Variants in MEF2C observed in about 807,000 individuals in gnomAD.
The protein encoded by MEF2C is myocyte-specific enhancer factor 2C.
Under a neutral mutation model 50.5 loss-of-function variants are expected in MEF2C, and 6 were observed. The observed-to-expected ratio is 0.12, with a 90% CI of 0.07 to 0.23. The LOEUF (loss-of-function observed/expected upper bound fraction) is 0.23. Ranked by LOEUF, MEF2C falls within the 10% of genes least tolerant of loss-of-function variation. MEF2C has a pLI of 1.00. For synonymous variants in MEF2C, 183 were observed against 228.0 expected (o/e 0.80, Z 1.78); for missense variants, 276 against 605.0 (o/e 0.46, Z 5.70).
chr5:88,901,472 T>G (rs1393914396), intron 1 of MEF2C, among the ~76,000 whole-genome samples: 1 of 145,676 alleles, frequency 6.9e-6, no homozygotes, highest in Non-Finnish European at 1.5e-5. Flanking sequence ...ACTGGGAGAA[T>G]CAAGATTTTC....
At chr5:88,815,527 G>C (rs16903363) in intron 2 of MEF2C, among the ~76,000 whole-genome samples, 5,088 of 151,854 alleles carry the variant, frequency 0.034, 261 homozygotes, top group African/African-American at 0.12. Flanking sequence ...CTTATTAATG[G>C]TCCAACATAT....
At chr5:88,844,443 A>T (rs1039132619) in intron 1 of MEF2C, among the ~76,000 whole-genome samples, 1 of 152,230 alleles carries the variant, frequency 6.6e-6, no homozygotes, top group Non-Finnish European at 1.5e-5. Flanking sequence ...AGTGACATAC[A>T]TATATCAAAT....
chr5:88,803,606 T>C (rs1284217379), intron 3 of MEF2C, among the ~76,000 whole-genome samples: 3 of 152,150 alleles, frequency 2.0e-5, no homozygotes, highest in East Asian at 3.8e-4. Flanking sequence ...AGTAGACAAA[T>C]AGATTAAGAA....
At chr5:88,857,184 A>T (rs2153410614) in intron 1 of MEF2C, among the ~76,000 whole-genome samples, 2 of 152,324 alleles carry the variant, frequency 1.3e-5, no homozygotes, top group South Asian at 4.1e-4. Flanking sequence ...GGAAATTTAA[A>T]GCTTAATGAC....
chr5:88,842,369 A>T (rs545391981), intron 1 of MEF2C, among the ~76,000 whole-genome samples: 16 of 152,262 alleles, frequency 1.1e-4, no homozygotes, highest in Admixed American at 2.6e-4. Context: ...TAGTAAAACA[A>T]GAAAGCTAAC....
chr5:88,825,617 G>T, intron 1 of MEF2C: 1 of 984,556 alleles, frequency 1.0e-6, no homozygotes. Context: ...AAGCATAATT[G>T]CATCATATAT....
chr5:88,809,367 T>C (rs1250900628), intron 2 of MEF2C, among the ~76,000 whole-genome samples: 2 of 152,210 alleles, frequency 1.3e-5, no homozygotes, highest in East Asian at 1.9e-4. Context: ...CCAAGTTTTA[T>C]GGAGCATTTT....
At chr5:88,803,715 G>A (rs541482133) in intron 3 of MEF2C, among the ~76,000 whole-genome samples, 4 of 152,094 alleles carry the variant, frequency 2.6e-5, no homozygotes, top group South Asian at 4.2e-4. Context: ...AAATAGGATC[G>A]ATGCTGAAAA....
chr5:88,730,222 C>T lies in MEF2C; in HGVS notation c.823G>A (p.Asp275Asn). 1 of 1,582,506 alleles carries T rather than the reference C, an allele frequency of 6.3e-7. No homozygotes were observed. Among genetic ancestry groups the T allele is most frequent in the Non-Finnish European group, 8.6e-7 (1 of 1,163,114 alleles). The change falls in exon 8 of 11, where the codon GAC (aspartate) becomes AAC (asparagine). Residue 275 changes from aspartate to asparagine, a missense_variant. Around this residue, in one of 2 missense-constraint regions of MEF2C, gnomAD observed 256 missense variants for 468.1 expected, o/e 0.55. Transcript: ENST00000504921. The part of the protein sequence containing the change: ...NTMPSVSEDV[D>N]LLLNQRINNS... ...CTCTCACCACTTACCAAAAGCAGGT[C>T]GACATCCTCAGACTGAGAGCATGCG...
intron 2 of MEF2C, among the ~76,000 whole-genome samples, chr5:88,813,397 T>C (rs1287864818): frequency 6.6e-6 from 1 of 152,052 alleles, no homozygotes; most frequent in Non-Finnish European, 1.5e-5. Context: ...GTTTGACTAC[T>C]GTGAAATGGA....
chr5:88,834,235 A>G (rs1581365363), intron 1 of MEF2C, among the ~76,000 whole-genome samples: 1 of 152,158 alleles, frequency 6.6e-6, no homozygotes, highest in African/African-American at 2.4e-5. Context: ...AGTCCACGCT[A>G]CCTGCCACAG....
intron 7 of MEF2C, among the ~76,000 whole-genome samples, chr5:88,730,950 C>CTGAT (rs1761226485): frequency 6.6e-6 from 1 of 152,180 alleles, no homozygotes; most frequent in Non-Finnish European, 1.5e-5. Flanking sequence ...TTGTAGAACA[C>CTGAT]TGATGTAAGT....
chr5:88,880,472 C>A (rs1832481435), intron 1 of MEF2C, among the ~76,000 whole-genome samples: 1 of 152,088 alleles, frequency 6.6e-6, no homozygotes, highest in African/African-American at 2.4e-5. Flanking sequence ...AATTATACCA[C>A]ACTTTAGAGT....
chr5:88,785,279 TACACACACACACACACACACACACAC>T (rs57929414), intron 3 of MEF2C: 1 of 143,838 alleles, frequency 7.0e-6, no homozygotes, highest in Admixed American at 7.0e-5. Context: ...AAAACTGGCA[TACACACACACACACACACACACACAC>T]ACACACACAC....
rs73177746 is a variant in MEF2C at position 88,756,188 on chromosome 5, G to T, written c.403-4145C>A. On this transcript the variant is annotated intron_variant, in intron 4 of 10. Coordinates refer to ENST00000504921, the MANE Select transcript of MEF2C (RefSeq NM_002397.5). ...AAATTTAATTTTATTTTAGATACAT[G>T]TGCATGTTTGTTACATGGATATATT... is the stretch of plus-strand genomic sequence containing the variant. Among the ~76,000 whole-genome samples, 940 of 152,156 alleles carry T rather than the reference G, an allele frequency of 6.2e-3. 10 individuals carry two copies. The highest frequency in any genetic ancestry group is 0.022 in the African/African-American group (906 of 41,496).
At chr5:88,799,739 C>G (rs982179861) in intron 3 of MEF2C, among the ~76,000 whole-genome samples, 1 of 152,074 alleles carries the variant, frequency 6.6e-6, no homozygotes, top group Admixed American at 6.5e-5. Context: ...TAAATCAAAA[C>G]AGAAGTCAGG....
intron 4 of MEF2C, among the ~76,000 whole-genome samples, chr5:88,753,401 A>T (rs181584775): frequency 6.6e-6 from 1 of 151,872 alleles, no homozygotes; most frequent in Non-Finnish European, 1.5e-5. Context: ...TTTTATTATT[A>T]TATTATTATT....
At chr5:88,794,076 G>C (rs534529650) in intron 3 of MEF2C, among the ~76,000 whole-genome samples, 2 of 152,136 alleles carry the variant, frequency 1.3e-5, no homozygotes, top group African/African-American at 4.8e-5. Context: ...CCAAGTCTTT[G>C]CTATTGTGAA....
At chr5:88,726,442 T>C (rs1758795560) in intron 10 of MEF2C, among the ~76,000 whole-genome samples, 1 of 152,132 alleles carries the variant, frequency 6.6e-6, no homozygotes, top group South Asian at 2.1e-4. Flanking sequence ...CGTGTGAATA[T>C]GAGGTAGTCC....
Sources: allele counts gnomAD v4.1 joint callset (sites outside exome capture counted in the v4.1 genomes callset), GRCh38; gene constraint gnomAD v4.1.1; regional missense constraint gnomAD v4.1.1; transcripts MANE v1.5; gene names NCBI Gene and HGNC (gene_info 2026-07-23, HGNC 2026-07-21).